GPC5: variants seen among roughly 807,000 people sequenced by gnomAD.
The protein encoded by GPC5 is glypican-5.
Under a neutral mutation model 53.9 loss-of-function variants are expected in GPC5, and 47 were observed. The ratio of observed to expected loss-of-function variants is 0.87; its 90% CI spans 0.69 to 1.11. The LOEUF (loss-of-function observed/expected upper bound fraction) is 1.11. Among genes scored for constraint, GPC5 ranks in the 50% most tolerant of loss-of-function variants. The probability of loss-of-function intolerance (pLI) is 0.00; values close to 1 mark genes in which losing one functional copy is unlikely to be tolerated. For synonymous variants in GPC5, 286 were observed against 263.3 expected, an observed-to-expected ratio of 1.09 and a Z score of -0.84; for missense variants, 748 against 713.1, an observed-to-expected ratio of 1.05 and a Z score of -0.56.
intron 7 of GPC5, among the ~76,000 whole-genome samples, chr13:92,456,414 G>A (rs1157817155): frequency 6.6e-6 from 1 of 152,136 alleles, no homozygotes; most frequent in Non-Finnish European, 1.5e-5. Context: ...ATCAGTTAAT[G>A]AGTTGACATT....
intron 2 of GPC5, among the ~76,000 whole-genome samples, chr13:91,584,833 T>G (rs1479445770): frequency 6.6e-6 from 1 of 152,016 alleles, no homozygotes; most frequent in Non-Finnish European, 1.5e-5. Context: ...GCCCGCCCGG[T>G]CTCCCAAAGT....
chr13:92,438,383 AATAT>A (rs66984887), intron 7 of GPC5, among the ~76,000 whole-genome samples: 2,975 of 123,462 alleles, frequency 0.024, 105 homozygotes, highest in African/African-American at 0.086. Context: ...AAGCAAAATA[AATAT>A]ATATATATAT....
intron 6 of GPC5, among the ~76,000 whole-genome samples, chr13:92,142,481 G>T (rs1158008437): frequency 6.6e-6 from 1 of 152,096 alleles, no homozygotes; most frequent in Non-Finnish European, 1.5e-5. Flanking sequence ...ACATTTCCTA[G>T]AATGTCACTG....
At chr13:92,107,032 A>G (rs2041515651) in intron 6 of GPC5, among the ~76,000 whole-genome samples, 1 of 152,150 alleles carries the variant, frequency 6.6e-6, no homozygotes, top group African/African-American at 2.4e-5. Flanking sequence ...TTCACTTAAT[A>G]TATTTTCCTA....
intron 5 of GPC5, among the ~76,000 whole-genome samples, chr13:91,782,441 T>C (rs549299020): frequency 6.6e-6 from 1 of 152,122 alleles, no homozygotes; most frequent in African/African-American, 2.4e-5. Context: ...AAGGACCTTC[T>C]TCACATGGCG....
chr13:92,167,394 C>T (rs1268613786), intron 7 of GPC5, among the ~76,000 whole-genome samples: 1 of 152,090 alleles, frequency 6.6e-6, no homozygotes, highest in Non-Finnish European at 1.5e-5. Context: ...TGATATAAAA[C>T]TTCAGATTCC....
intron 7 of GPC5, among the ~76,000 whole-genome samples, chr13:92,172,228 G>C (rs2042075896): frequency 6.6e-6 from 1 of 152,140 alleles, no homozygotes; most frequent in Admixed American, 6.5e-5. Context: ...AGTGTATTTG[G>C]AAGAACAGAA....
intron 3 of GPC5, among the ~76,000 whole-genome samples, chr13:91,708,203 A>G (rs774106894): frequency 1.3e-5 from 2 of 152,208 alleles, no homozygotes; most frequent in African/African-American, 4.8e-5. Flanking sequence ...AAGGGAGGAC[A>G]TAGTCTTAAA....
At chr13:91,652,380 G>T (rs562967811) in intron 2 of GPC5, among the ~76,000 whole-genome samples, 1 of 151,950 alleles carries the variant, frequency 6.6e-6, no homozygotes, top group South Asian at 2.1e-4. Flanking sequence ...TATTAAGTGG[G>T]GAACTTTTAC....
intron 7 of GPC5, among the ~76,000 whole-genome samples, chr13:92,846,904 A>G (rs1238695992): frequency 6.6e-6 from 1 of 152,186 alleles, no homozygotes; most frequent in Non-Finnish European, 1.5e-5. Context: ...TCTTTCTTTT[A>G]TAATGCATTT....
intron 1 of GPC5, among the ~76,000 whole-genome samples, chr13:91,424,566 C>T (rs1878892136): frequency 1.3e-5 from 2 of 151,954 alleles, no homozygotes; most frequent in African/African-American, 2.4e-5. Flanking sequence ...GGGGTTTCAT[C>T]ATGTTGGCCA....
chr13:92,067,607 G>C (rs2041177593), intron 6 of GPC5, among the ~76,000 whole-genome samples: 1 of 151,904 alleles, frequency 6.6e-6, no homozygotes, highest in African/African-American at 2.4e-5. Flanking sequence ...ATATTTCAGG[G>C]ATGTGTAAGT....
intron 2 of GPC5, among the ~76,000 whole-genome samples, chr13:91,499,724 C>T (rs1194929385): frequency 6.6e-6 from 1 of 152,194 alleles, no homozygotes; most frequent in African/African-American, 2.4e-5. Context: ...CTTCTGCCAC[C>T]TTTCAGAGAC....
At chr13:92,203,849 A>C (rs2139064393) in intron 7 of GPC5, among the ~76,000 whole-genome samples, 1 of 151,644 alleles carries the variant, frequency 6.6e-6, no homozygotes, top group Non-Finnish European at 1.5e-5. Flanking sequence ...TCTCGGTAAA[A>C]CTGCTGAAAT....
chr13:91,664,616 A>C (rs1385150064), intron 2 of GPC5, among the ~76,000 whole-genome samples: 2 of 152,242 alleles, frequency 1.3e-5, no homozygotes, highest in Non-Finnish European at 2.9e-5. Context: ...CTGTATATAC[A>C]TGGCCTGCAT....
rs149077902 is a variant in GPC5, at chr13:91,664,416, C to T, written c.326-28771C>T. Among the ~76,000 whole-genome samples, 764 of 152,284 alleles carry T rather than the reference C, an allele frequency of 5.0e-3. 4 individuals carry two copies. The highest frequency in any genetic ancestry group is 0.018 in the African/African-American group (737 of 41,554). On this transcript the variant is annotated intron_variant, in intron 2 of 7. Transcript: ENST00000377067. ...ATTTATCCCTTAGCAGTGGATTTGT[C>T]CCTTGTGTTTTGTCCTCCACACATC...
At chr13:91,869,093 G>T (rs1280289965) in intron 5 of GPC5, among the ~76,000 whole-genome samples, 1 of 152,072 alleles carries the variant, frequency 6.6e-6, no homozygotes, top group East Asian at 1.9e-4. Context: ...GCCCAGTCTG[G>T]AGTGCATTGG....
At position 92,624,651 on chromosome 13, in the gene GPC5, A is replaced by C. The variant is rs2139120799; in HGVS notation, c.1562-241631A>C. 1.3e-5 allele frequency among the ~76,000 whole-genome samples: 2 copies of C among 152,306 alleles called. 1 individual carries two copies. The highest frequency in any genetic ancestry group is 4.1e-4 in the South Asian group (2 of 4,822). On this transcript the variant is annotated intron_variant, in intron 7 of 7. Coordinates refer to ENST00000377067, the MANE Select transcript of GPC5 (RefSeq NM_004466.6). ...CTCTAAGCCCCACTTTACCCAATTC[A>C]GTATGAAGATGGTCAGATGGCACAT...
At chr13:91,490,728 A>G (rs1168991673) in intron 2 of GPC5, among the ~76,000 whole-genome samples, 3 of 152,228 alleles carry the variant, frequency 2.0e-5, no homozygotes, top group Non-Finnish European at 4.4e-5. Flanking sequence ...GGTCCAGCCC[A>G]GAGAGAAAAA....
Sources: gnomAD v4.1 joint callset for allele counts (sites outside exome capture counted in the v4.1 genomes callset) on GRCh38, gnomAD v4.1.1 for gene constraint, MANE v1.5 for transcripts, NCBI Gene and HGNC (gene_info 2026-07-23, HGNC 2026-07-21) for gene names.